Variants in AIFM3 observed in about 807,000 individuals in gnomAD.
AIFM3 encodes the protein apoptosis-inducing factor 3.
Under a neutral mutation model 82.7 loss-of-function variants are expected in AIFM3, and 71 were observed. That is an observed-to-expected ratio of 0.86 (90% CI 0.71 to 1.05). The LOEUF (loss-of-function observed/expected upper bound fraction) is 1.05. Among genes scored for constraint, AIFM3 ranks in the 50% least tolerant of loss-of-function variants. The pLI, the probability that AIFM3 is intolerant of heterozygous loss-of-function variation, is 0.00. For missense variants in AIFM3, 748 were observed against 816.7 expected (o/e 0.92, Z 1.03); for synonymous variants, 337 against 329.1 (o/e 1.02, Z -0.26).
In AIFM3 at chr22:20,974,170, CA is replaced by C. The variant is rs776152918; in HGVS notation, c.464del (p.Gln155ArgfsTer2). 1.9e-6 allele frequency: 3 copies of C among 1,613,088 alleles called. No homozygotes were observed. Among genetic ancestry groups the C allele is most frequent in the Non-Finnish European group, 2.5e-6 (3 of 1,179,836 alleles). On this transcript the variant is annotated frameshift_variant and splice_region_variant, in exon 5 of 21. Coordinates refer to ENST00000440238, the MANE Select transcript of AIFM3 (RefSeq NM_001386814.1). LOFTEE classifies it high-confidence loss of function. ...TGGCCTGGACAGTCTACACAAGTTC[CA>C]GGTGGGGCCAGGAGTGCGATGGGGT... The part of the protein sequence containing the change: ...FPGLDSLHKF[Q>X]VKIEKEKVYV...
rs1023292530 is a variant in AIFM3, at chr22:20,981,171, G to A, written c.*140G>A. The stretch of plus-strand genomic sequence containing the variant: ...CCCAGTGCTTGCCTTCAGCCACCTG[G>A]CTCCCCTCCTGGGAGGCCTCTGCTG... On this transcript the variant is annotated 3_prime_UTR_variant, in exon 21 of 21. Transcript: ENST00000440238. The A allele has an allele frequency of 7.7e-5, 94 of 1,219,434 alleles. No homozygotes were observed. Among genetic ancestry groups the A allele is most frequent in the Non-Finnish European group, 9.6e-5 (83 of 865,298 alleles). The allele number at this position is 1,219,434 out of a possible 1,614,324, so 75.5% of individuals were successfully genotyped here.
At chr22:20,979,525 G>C (rs1468933800) in intron 17 of AIFM3, 102 bp from the exon 18 acceptor site, 1 of 1,498,276 alleles carries the variant, frequency 6.7e-7, no homozygotes, top group Non-Finnish European at 9.2e-7. Flanking sequence ...CTACCTAAAA[G>C]GACGTATGGA....
chr22:20,976,965 G>T, intron 13 of AIFM3, 27 bp downstream of exon 13: 1 of 1,613,764 alleles, frequency 6.2e-7, no homozygotes, highest in Non-Finnish European at 8.5e-7. Context: ...TCTCCCTGCT[G>T]CTTTCTGTCC....
intron 19 of AIFM3, 22 bp from the exon 20 acceptor site, chr22:20,980,699 GCTCTCTCCTTGGCCTTCTCTCCGTTT>G: frequency 1.2e-6 from 2 of 1,613,588 alleles, no homozygotes; most frequent in South Asian, 2.2e-5. Flanking sequence ...TAAATGACAT[GCTCTCTCCTTGGCCTTCTCTCCGTTT>G]CTCTCTCTTG....
chr22:20,980,735 G>A lies in AIFM3; in HGVS notation c.1758-12G>A. On this transcript the variant is annotated splice_polypyrimidine_tract_variant and intron_variant, in intron 19 of 20. Transcript: ENST00000440238. ...GGCCTTCTCTCCGTTTCTCTCTCTT[G>A]CCTTCGTGAAGGCTGTTTGTGCTGC... is the stretch of plus-strand genomic sequence containing the variant. The A allele has an allele frequency of 6.2e-7, 1 of 1,614,176 alleles. No homozygotes were observed. Among genetic ancestry groups the A allele is most frequent in the Non-Finnish European group, 8.5e-7 (1 of 1,180,022 alleles).
intron 17 of AIFM3, 94 bp downstream of exon 17, chr22:20,979,463 T>C: frequency 7.4e-7 from 1 of 1,349,614 alleles, no homozygotes; most frequent in Non-Finnish European, 1.0e-6. Context: ...GGCAGGGCTA[T>C]GACCGCACTA....
In AIFM3 at chr22:20,973,823, C is replaced by T. The variant is rs371361440; in HGVS notation, c.311C>T (p.Ala104Val). 6.3e-7 allele frequency: 1 copy of T among 1,580,724 alleles called. No individual in the cohort carries two copies. Among genetic ancestry groups the T allele is most frequent in the Middle Eastern group, 1.7e-4 (1 of 5,754 alleles). The change falls in exon 4 of 21, where the codon GCC becomes GTC. Residue 104 changes from alanine to valine, a missense_variant. Around this residue, in one of 5 missense-constraint regions of AIFM3, gnomAD observed 148 missense variants for 134.1 expected, o/e 1.10. Coordinates refer to ENST00000440238, the MANE Select transcript of AIFM3 (RefSeq NM_001386814.1). Reference sequence around the variant, plus strand: ...GTGAAGGACAATGGGGAGTTCCACGCCCTGGGCCATAAGTGTCCGCACTAC... The same window carrying T: ...GTGAAGGACAATGGGGAGTTCCACGTCCTGGGCCATAAGTGTCCGCACTAC... ...LLVKDNGEFH[A>V]LGHKCPHYGA...
chr22:20,972,456 C>T (rs536026116), intron 2 of AIFM3, among the ~76,000 whole-genome samples: 2 of 151,014 alleles, frequency 1.3e-5, no homozygotes, highest in East Asian at 1.9e-4. Flanking sequence ...ATGCTGTGTA[C>T]ATTTTTTTTA....
At position 20,976,149 on chromosome 22, in the gene AIFM3, C is replaced by T. The variant is rs897657891; in HGVS notation, c.808-66C>T. On this transcript the variant is annotated intron_variant, in intron 9 of 20. Transcript: ENST00000440238. ...GCTGGGCTGTGGGTGTACTGCAGGA[C>T]CGGGGAGTGGGCGGCGAGGCCCAGC... 69 of 1,545,120 alleles carry T rather than the reference C, an allele frequency of 4.5e-5. No individual in the cohort carries two copies. In the African/African-American group the frequency reaches 7.4e-4, roughly 17 times the overall value.
In AIFM3 at chr22:20,979,895, C is replaced by T. The variant is rs968356064; in HGVS notation, c.1653-125C>T. The T allele has an allele frequency of 2.0e-5, 23 of 1,125,924 alleles. No individual in the cohort carries two copies. The African/African-American group carries it at 3.4e-4, about 17-fold the overall frequency. 69.7% of individuals were successfully genotyped at this position (1,125,924 alleles called of 1,614,324 possible). The stretch of plus-strand genomic sequence containing the variant: ...TGCAAAGCAGGGAGGGCTGGGTGCT[C>T]AGGCCATTCTTGTTGCCCTGGGGTA... On this transcript the variant is annotated intron_variant, in intron 18 of 20. Transcript: ENST00000440238.
intron 17 of AIFM3, 67 bp downstream of exon 17, chr22:20,979,436 G>GGGGCTGGGAGCCTAGGGGCA (rs934890918): frequency 9.5e-6 from 14 of 1,475,896 alleles, no homozygotes; most frequent in African/African-American, 7.1e-5. Flanking sequence ...GGTGTGGGGC[G>GGGGCTGGGAGCCTAGGGGCA]GGGCTGGGAG....
intron 19 of AIFM3, chr22:20,980,480 C>G: frequency 1.7e-6 from 1 of 600,022 alleles, no homozygotes. Flanking sequence ...GCTACTGATG[C>G]CCTGGGTATG....
intron 9 of AIFM3, 44 bp downstream of exon 9, chr22:20,975,822 G>A (rs777661407): frequency 5.6e-6 from 9 of 1,597,372 alleles, no homozygotes; most frequent in Non-Finnish European, 5.1e-6. Context: ...AGGGAAGGTG[G>A]GAACCGTGAG....
intron 1 of AIFM3, 174 bp from the exon 2 acceptor site, chr22:20,967,631 A>G: frequency 2.1e-6 from 1 of 465,170 alleles, no homozygotes; most frequent in East Asian, 3.8e-5. Flanking sequence ...CTGAGCTTGG[A>G]GGGCTTCAAA....
rs2147933217 is a variant in AIFM3 at position 20,967,900 on chromosome 22, C to A, written c.-45C>A. 1 of 1,613,392 alleles carries A rather than the reference C, an allele frequency of 6.2e-7. No homozygotes were observed. The highest frequency in any genetic ancestry group is 2.2e-5 in the East Asian group (1 of 44,872). ...GGGGCGCCCTAGGCCTCCGACAGCT[C>A]CCCATCTGTGCTCCTGCCTGCCGGC... On this transcript the variant is annotated 5_prime_UTR_variant, in exon 2 of 21. Coordinates refer to ENST00000440238, the MANE Select transcript of AIFM3 (RefSeq NM_001386814.1).
In AIFM3 at chr22:20,977,899, C is replaced by G. The variant is rs764821797; in HGVS notation, c.1371C>G (p.Thr457=). 6.2e-7 allele frequency: 1 copy of G among 1,614,180 alleles called. No homozygotes were observed. Among genetic ancestry groups the G allele is most frequent in the Non-Finnish European group, 8.5e-7 (1 of 1,180,026 alleles). The change falls in exon 16 of 21, where the codon ACC becomes ACG. Residue 457 remains threonine (T), a synonymous_variant. Coordinates refer to ENST00000440238, the MANE Select transcript of AIFM3 (RefSeq NM_001386814.1). ...GFIPVNKMMQ[T]NVPGVFAAGD... ...CCCTCTCTCTACAGATGATGCAGAC[C>G]AATGTCCCAGGCGTGTTTGCAGCTG...
At position 20,970,713 on chromosome 22, in the gene AIFM3, G is replaced by A. The variant is rs543213773; in HGVS notation, c.32-2594G>A. The stretch of plus-strand genomic sequence containing the variant: ...TGACCTCAAGTGATCTGCCTGCCTC[G>A]GCCTCTCAAAGTGCTGGGATTACAG... On this transcript the variant is annotated intron_variant, in intron 2 of 20. Transcript: ENST00000440238. 1.1e-3 allele frequency among the ~76,000 whole-genome samples: 162 copies of A among 152,210 alleles called. 2 individuals are homozygous for A. Among genetic ancestry groups the A allele is most frequent in the African/African-American group, 3.2e-3 (133 of 41,532 alleles).
At chr22:20,970,732 AT>A (rs1923216934) in intron 2 of AIFM3, among the ~76,000 whole-genome samples, 1 of 152,184 alleles carries the variant, frequency 6.6e-6, no homozygotes, top group Admixed American at 6.5e-5. Flanking sequence ...AAGTGCTGGG[AT>A]TACAGGCATG....
chr22:20,973,568 G>A (rs1305554360), intron 3 of AIFM3, 48 bp downstream of exon 3: 1 of 1,565,446 alleles, frequency 6.4e-7, no homozygotes, highest in Non-Finnish European at 8.7e-7. Flanking sequence ...TCCCAAGGTG[G>A]GAGGGTGAGG....
Sources: allele counts gnomAD v4.1 joint callset (sites outside exome capture counted in the v4.1 genomes callset), GRCh38; gene constraint gnomAD v4.1.1; regional missense constraint gnomAD v4.1.1; transcripts MANE v1.5; gene names NCBI Gene and HGNC (gene_info 2026-07-23, HGNC 2026-07-21).